ERCC6L2: variants seen among roughly 807,000 people sequenced by gnomAD.
ERCC6L2 encodes ERCC excision repair 6 like 2.
ERCC6L2 carries 77 observed loss-of-function variants against 132.0 expected under a neutral mutation model. The observed-to-expected ratio is 0.58, with a 90% CI of 0.49 to 0.71. The LOEUF is 0.71. Among genes scored for constraint, ERCC6L2 ranks in the 30% least tolerant of loss-of-function variants. The pLI is 0.00. For missense variants in ERCC6L2, 1,542 were observed against 1,837.6 expected, an observed-to-expected ratio of 0.84 and a Z score of 2.94; for synonymous variants, 583 against 632.4, an observed-to-expected ratio of 0.92 and a Z score of 1.17.
At chr9:95,899,733 A>C (rs948904792) in intron 3 of ERCC6L2, among the ~76,000 whole-genome samples, 1 of 152,038 alleles carries the variant, frequency 6.6e-6, no homozygotes, top group Non-Finnish European at 1.5e-5. Flanking sequence ...TTGGGTACCA[A>C]AATGTGTGGA....
intron 17 of ERCC6L2, among the ~76,000 whole-genome samples, chr9:95,984,321 ATG>A (rs1313391310): frequency 1.3e-5 from 2 of 149,784 alleles, no homozygotes; most frequent in Non-Finnish European, 3.0e-5. Context: ...TATATATTAT[ATG>A]TGTATATATA....
At chr9:95,949,035 A>G (rs1261444283) in intron 12 of ERCC6L2, among the ~76,000 whole-genome samples, 2 of 152,058 alleles carry the variant, frequency 1.3e-5, no homozygotes, top group African/African-American at 4.8e-5. Flanking sequence ...AGAAATTAAA[A>G]AAAGAAAAAA....
intron 4 of ERCC6L2, among the ~76,000 whole-genome samples, chr9:95,912,991 T>G (rs1233094460): frequency 6.6e-6 from 1 of 152,220 alleles, no homozygotes; most frequent in Non-Finnish European, 1.5e-5. Context: ...AATGTCAGGT[T>G]GTTTCACTGT....
intron 11 of ERCC6L2, among the ~76,000 whole-genome samples, chr9:95,940,030 C>A (rs1482752229): frequency 6.6e-6 from 1 of 152,162 alleles, no homozygotes; most frequent in East Asian, 1.9e-4. Context: ...TACTACTGCT[C>A]CCACCTGGCG....
At chr9:95,931,845 T>C (rs1047801771) in intron 11 of ERCC6L2, among the ~76,000 whole-genome samples, 19 of 152,188 alleles carry the variant, frequency 1.2e-4, no homozygotes, top group Admixed American at 2.6e-4. Flanking sequence ...AAGGCTTATG[T>C]TCTTTTTCAA....
intron 2 of ERCC6L2, among the ~76,000 whole-genome samples, chr9:95,897,085 A>G (rs1828505412): frequency 6.6e-6 from 1 of 151,862 alleles, no homozygotes. Flanking sequence ...TTGTAAGGTA[A>G]TGATCAGTTA....
chr9:95,970,461 G>A, intron 14 of ERCC6L2, 115 bp from the exon 15 acceptor site: 1 of 345,624 alleles, frequency 2.9e-6, no homozygotes, highest in Non-Finnish European at 5.0e-6. Context: ...AAAGCAAGCT[G>A]CATGCAATTT....
At chr9:96,036,715 G>A (rs920329707) in intron 19 of ERCC6L2, among the ~76,000 whole-genome samples, 5 of 151,080 alleles carry the variant, frequency 3.3e-5, no homozygotes, top group African/African-American at 1.2e-4. Context: ...ATCCTAATGG[G>A]TATGAGGTGA....
rs571812267 is a variant in ERCC6L2 at position 96,028,907 on chromosome 9, T to C, written c.*1504-9969T>C. ...AACTATCTTCAACCTTAGGCAATAA[T>C]GTGGGTGAATTTCCAAATACAATTT... On this transcript the variant is annotated intron_variant and NMD_transcript_variant, in intron 19 of 20. Coordinates refer to the ERCC6L2 transcript ENST00000670016. Among the ~76,000 whole-genome samples, 3 of 152,304 alleles carry C rather than the reference T, an allele frequency of 2.0e-5. No individual in the cohort carries two copies. In the East Asian group the frequency reaches 5.8e-4, roughly 29 times the overall value.
intron 12 of ERCC6L2, among the ~76,000 whole-genome samples, chr9:95,944,313 C>T (rs926775345): frequency 2.0e-5 from 3 of 152,042 alleles, no homozygotes; most frequent in Non-Finnish European, 4.4e-5. Flanking sequence ...TATGAAATAC[C>T]TGGAATAGTC....
chr9:95,917,039 T>A (rs1216971823), intron 6 of ERCC6L2, among the ~76,000 whole-genome samples: 1 of 152,186 alleles, frequency 6.6e-6, no homozygotes, highest in African/African-American at 2.4e-5. Context: ...AGCTTCTCTC[T>A]GCAGTGTGTT....
chr9:95,912,974 A>G (rs969793751), intron 4 of ERCC6L2, among the ~76,000 whole-genome samples: 1 of 152,226 alleles, frequency 6.6e-6, no homozygotes, highest in Non-Finnish European at 1.5e-5. Context: ...CACTTCAGGA[A>G]GTACCTAATG....
intron 19 of ERCC6L2, among the ~76,000 whole-genome samples, chr9:96,027,068 A>G (rs1834385640): frequency 7.1e-6 from 1 of 141,378 alleles, no homozygotes; most frequent in African/African-American, 2.6e-5. Context: ...CACACCACAC[A>G]CACCACATAC....
In ERCC6L2 at chr9:96,017,446, C is replaced by A. The variant is rs539068618; in HGVS notation, c.*4243C>A. On this transcript the variant is annotated 3_prime_UTR_variant, in exon 19 of 19. Transcript: ENST00000653738. Reference sequence around the variant, plus strand: ...AAGTCCCAGGCTGTGTGGTTCCCAGCCCCAAGGGTAGCAAGTCAGAACCTC... The same window carrying A: ...AAGTCCCAGGCTGTGTGGTTCCCAGACCCAAGGGTAGCAAGTCAGAACCTC... Among the ~76,000 whole-genome samples, 16 of 152,332 alleles carry A rather than the reference C, an allele frequency of 1.1e-4. No homozygotes were observed. The East Asian group carries it at 3.1e-3, about 29-fold the overall frequency.
At chr9:95,997,761 T>C (rs1286454505) in intron 17 of ERCC6L2, among the ~76,000 whole-genome samples, 1 of 152,238 alleles carries the variant, frequency 6.6e-6, no homozygotes, top group African/African-American at 2.4e-5. Flanking sequence ...TTTCATCGTG[T>C]TGCCACAGTG....
At chr9:95,955,237 A>G (rs995132386) in intron 12 of ERCC6L2, among the ~76,000 whole-genome samples, 2 of 152,220 alleles carry the variant, frequency 1.3e-5, no homozygotes, top group African/African-American at 4.8e-5. Flanking sequence ...GATCCACCTC[A>G]TCTACGGATG....
In ERCC6L2 at chr9:96,013,448, G is replaced by T; in HGVS notation, c.*245G>T. On this transcript the variant is annotated 3_prime_UTR_variant, in exon 19 of 19. Transcript: ENST00000653738. The stretch of plus-strand genomic sequence containing the variant: ...CTGTTATGAATTAGAAAAGATTCTA[G>T]GTTTGTTAATAGGAGACCTGGGACA... 1 of 230,006 alleles carries T rather than the reference G, an allele frequency of 4.3e-6. No individual in the cohort carries two copies. Among genetic ancestry groups the T allele is most frequent in the Non-Finnish European group, 8.4e-6 (1 of 118,800 alleles). 14.2% of individuals were successfully genotyped at this position (230,006 alleles called of 1,614,324 possible).
intron 11 of ERCC6L2, among the ~76,000 whole-genome samples, chr9:95,941,048 T>G (rs1830774602): frequency 6.6e-6 from 1 of 152,212 alleles, no homozygotes; most frequent in African/African-American, 2.4e-5. Context: ...TCCAGAGTTT[T>G]AGCTGCACTT....
intron 9 of ERCC6L2, among the ~76,000 whole-genome samples, chr9:95,925,670 C>A (rs996633330): frequency 1.3e-5 from 2 of 152,098 alleles, no homozygotes; most frequent in Non-Finnish European, 2.9e-5. Flanking sequence ...TTTCCTGTGA[C>A]TTGTTTTTGT....
Sources: allele counts gnomAD v4.1 joint callset (sites outside exome capture counted in the v4.1 genomes callset), GRCh38; gene constraint gnomAD v4.1.1; transcripts MANE v1.5; gene names NCBI Gene and HGNC (gene_info 2026-07-23, HGNC 2026-07-21).